The following CEP41 variants were observed in gnomAD, a reference collection of about 807,000 sequenced individuals.
The protein encoded by CEP41 is centrosomal protein 41, also known as centrosomal protein of 41 kDa.
A neutral mutation model predicts 44.3 loss-of-function variants in CEP41; 32 were observed. That is an observed-to-expected ratio of 0.72 (90% CI 0.54 to 0.97). CEP41 has a LOEUF of 0.97. Ranked by LOEUF, CEP41 falls within the 50% of genes least tolerant of loss-of-function variation. The pLI is 0.00. For missense variants in CEP41, 432 were observed against 455.2 expected, an observed-to-expected ratio of 0.95 and a Z score of 0.46; for synonymous variants, 151 against 168.5, an observed-to-expected ratio of 0.90 and a Z score of 0.80.
Position 130,438,610 on chromosome 7 carries a change from C to T in CEP41, c.33+2324G>A, listed in dbSNP as rs77976852. On this transcript the variant is annotated intron_variant, in intron 1 of 10. Transcript: ENST00000223208. ...GTAACCACTTAACCAATCTCATTTCCAGTCCTGGAGCCTCCTCAAACCCAT... is the reference window on the plus strand; with the variant it reads ...GTAACCACTTAACCAATCTCATTTCTAGTCCTGGAGCCTCCTCAAACCCAT... Among the ~76,000 whole-genome samples, 53 of 152,176 alleles carry T rather than the reference C, an allele frequency of 3.5e-4. No individual in the cohort carries two copies. In the East Asian group the frequency reaches 0.01, roughly 29 times the overall value.
Position 130,394,451 on chromosome 7 carries a change from T to C in CEP41, c.*4440A>G, listed in dbSNP as rs182873079. Reference sequence around the variant, plus strand: ...TATTATTTTCTGGAAATCTTCAAGATTTGAAACAAAAGAGAAAACCTACTC... The same window carrying C: ...TATTATTTTCTGGAAATCTTCAAGACTTGAAACAAAAGAGAAAACCTACTC... On this transcript the variant is annotated 3_prime_UTR_variant, in exon 11 of 11. Coordinates refer to ENST00000223208, the MANE Select transcript of CEP41 (RefSeq NM_018718.3). The C allele has an allele frequency of 5.5e-5, 25 of 453,954 alleles. No homozygotes were observed. Among genetic ancestry groups the C allele is most frequent in the African/African-American group, 1.2e-4 (6 of 49,984 alleles). The allele number at this position is 453,954 out of a possible 1,614,324, so 28.1% of individuals were successfully genotyped here. A position where few individuals can be genotyped will look rare whatever the true frequency, so the allele number is the denominator to read the frequency against.
At chr7:130,421,710 C>T (rs1192076599) in intron 2 of CEP41, 3 of 1,159,110 alleles carry the variant, frequency 2.6e-6, no homozygotes, top group Non-Finnish European at 3.2e-6. Flanking sequence ...AGAAAGCCTA[C>T]AGAATTTCAG....
chr7:130,410,254 C>T (rs1014424778), intron 5 of CEP41, among the ~76,000 whole-genome samples: 93 of 152,084 alleles, frequency 6.1e-4, no homozygotes, highest in African/African-American at 2.2e-3. Flanking sequence ...GTCTTGAACT[C>T]CTGACCTCGT....
chr7:130,436,285 G>GA (rs568484935), intron 1 of CEP41, among the ~76,000 whole-genome samples: 86 of 140,126 alleles, frequency 6.1e-4, no homozygotes, highest in Non-Finnish European at 9.2e-4. Flanking sequence ...TATCTTGAGT[G>GA]AAAAAAAAAA....
intron 1 of CEP41, among the ~76,000 whole-genome samples, chr7:130,433,218 G>A (rs908156432): frequency 1.3e-5 from 2 of 152,010 alleles, no homozygotes; most frequent in African/African-American, 4.8e-5. Context: ...AAAAACAGCA[G>A]ATCAAGTATA....
chr7:130,414,549 C>A (rs1376682554), intron 3 of CEP41, among the ~76,000 whole-genome samples: 2 of 152,198 alleles, frequency 1.3e-5, no homozygotes, highest in African/African-American at 4.8e-5. Flanking sequence ...ACTTTAAAAT[C>A]TCCTTTAACT....
chr7:130,398,881 G>C lies in CEP41; in HGVS notation c.*10C>G. On this transcript the variant is annotated 3_prime_UTR_variant, in exon 11 of 11. Transcript: ENST00000223208. ...GAAGAACATTTATTTGCCTAAGTGAGACAAAGTCTTTACTTCCAGGGTTTG... is the reference window on the plus strand; with the variant it reads ...GAAGAACATTTATTTGCCTAAGTGACACAAAGTCTTTACTTCCAGGGTTTG... 1.9e-6 allele frequency: 3 copies of C among 1,614,170 alleles called. No individual in the cohort carries two copies. The highest frequency in any genetic ancestry group is 1.7e-6 in the Non-Finnish European group (2 of 1,179,992).
chr7:130,419,280 A>G, intron 2 of CEP41: 2 of 985,450 alleles, frequency 2.0e-6, no homozygotes, highest in Non-Finnish European at 2.4e-6. Flanking sequence ...GGAAAAAAGG[A>G]GAATGGAGGA....
At position 130,440,986 on chromosome 7, in the gene CEP41, G is replaced by A; in HGVS notation, c.-20C>T. On this transcript the variant is annotated 5_prime_UTR_variant, in exon 1 of 11. In the 5' UTR this introduces an upstream ATG that the reference lacks. Coordinates refer to ENST00000223208, the MANE Select transcript of CEP41 (RefSeq NM_018718.3). Reference sequence around the variant, plus strand: ...GGACATATTTTCTCCAACCGACCACGTTCGGGGTTCTAGCCTCACGGGTTG... The same window carrying A: ...GGACATATTTTCTCCAACCGACCACATTCGGGGTTCTAGCCTCACGGGTTG... 3.1e-6 allele frequency: 5 copies of A among 1,612,378 alleles called. No homozygotes were observed. The highest frequency in any genetic ancestry group is 4.2e-6 in the Non-Finnish European group (5 of 1,179,944).
In CEP41 at chr7:130,395,851, C is replaced by T. The variant is rs566129615; in HGVS notation, c.*3040G>A. The T allele has an allele frequency of 1.3e-5, 6 of 451,228 alleles. No individual in the cohort carries two copies. The highest frequency in any genetic ancestry group is 4.7e-5 in the Admixed American group (2 of 42,208). The allele number at this position is 451,228 out of a possible 1,614,324, so 28.0% of individuals were successfully genotyped here. On this transcript the variant is annotated 3_prime_UTR_variant, in exon 11 of 11. Transcript: ENST00000223208. Reference sequence around the variant, plus strand: ...GGATTTATACCAAGCCCAATATGATCGTGCTGGTCCTGGCTAACCACTAAA... The same window carrying T: ...GGATTTATACCAAGCCCAATATGATTGTGCTGGTCCTGGCTAACCACTAAA...
In CEP41 at chr7:130,402,541, C is replaced by T. The variant is rs926106961; in HGVS notation, c.574+107G>A. On this transcript the variant is annotated intron_variant, in intron 7 of 10. Transcript: ENST00000223208. ...TTCCATAATGGATCCAGCTAACATA[C>T]GGTTTCCTCAACTGTCTACCATGGG... 1.2e-4 allele frequency: 150 copies of T among 1,213,870 alleles called. 1 individual carries two copies. The African/African-American group carries it at 1.7e-3, about 14-fold the overall frequency. 75.2% of individuals were successfully genotyped at this position (1,213,870 alleles called of 1,614,324 possible).
rs1181290169 is a variant in CEP41, at chr7:130,393,800, G to T, written c.*5091C>A. 1 of 453,752 alleles carries T rather than the reference G, an allele frequency of 2.2e-6. No individual in the cohort carries two copies. Among genetic ancestry groups the T allele is most frequent in the Non-Finnish European group, 4.4e-6 (1 of 226,712 alleles). 28.1% of individuals were successfully genotyped at this position (453,752 alleles called of 1,614,324 possible). A position where few individuals can be genotyped will look rare whatever the true frequency, so the allele number is the denominator to read the frequency against. ...ATCAATATGGTTTACTGAATGAATG[G>T]CTAGACCTATCAGGAAAACAGCCTA... On this transcript the variant is annotated 3_prime_UTR_variant, in exon 11 of 11. Coordinates refer to ENST00000223208, the MANE Select transcript of CEP41 (RefSeq NM_018718.3).
At chr7:130,422,989 G>A (rs1431778278) in intron 2 of CEP41, among the ~76,000 whole-genome samples, 5 of 152,070 alleles carry the variant, frequency 3.3e-5, no homozygotes, top group South Asian at 4.2e-4. Context: ...CTCTGTCACC[G>A]AGGCTGGAGT....
chr7:130,425,957 T>C (rs183456431), intron 2 of CEP41, among the ~76,000 whole-genome samples: 1 of 152,322 alleles, frequency 6.6e-6, no homozygotes, highest in East Asian at 1.9e-4. Context: ...ATTACAGCAA[T>C]GTAGAACAGA....
chr7:130,422,060 C>T, intron 2 of CEP41: 4 of 1,532,264 alleles, frequency 2.6e-6, no homozygotes, highest in Non-Finnish European at 3.5e-6. Flanking sequence ...GATTTCTAGC[C>T]ATGGCTGCAC....
intron 2 of CEP41, among the ~76,000 whole-genome samples, chr7:130,424,436 C>G (rs1554422958): frequency 6.6e-6 from 1 of 151,384 alleles, no homozygotes; most frequent in Non-Finnish European, 1.5e-5. Context: ...TGGGCATAGT[C>G]AGTTTAACCA....
chr7:130,410,187 G>C (rs549701434), intron 5 of CEP41, among the ~76,000 whole-genome samples: 1 of 151,860 alleles, frequency 6.6e-6, no homozygotes, highest in Non-Finnish European at 1.5e-5. Context: ...CACCGTGCCT[G>C]GCTAATTTTT....
At chr7:130,426,370 T>C (rs1248172091) in intron 2 of CEP41, among the ~76,000 whole-genome samples, 3 of 151,818 alleles carry the variant, frequency 2.0e-5, no homozygotes, top group Admixed American at 2.0e-4. Flanking sequence ...AAATTTTGGT[T>C]ATGAATTGAG....
intron 1 of CEP41, among the ~76,000 whole-genome samples, chr7:130,440,113 G>A (rs1175263484): frequency 6.6e-6 from 1 of 152,106 alleles, no homozygotes; most frequent in African/African-American, 2.4e-5. Flanking sequence ...TCCATCTCCT[G>A]GGTTCAAGCG....
Sources: allele counts gnomAD v4.1 joint callset (sites outside exome capture counted in the v4.1 genomes callset), GRCh38; gene constraint gnomAD v4.1.1; transcripts MANE v1.5; gene names NCBI Gene and HGNC (gene_info 2026-07-23, HGNC 2026-07-21).